LDLRAD3: variants seen among roughly 807,000 people sequenced by gnomAD.
LDLRAD3 encodes low-density lipoprotein receptor class A domain-containing protein 3.
LDLRAD3 carries 20 observed loss-of-function variants against 29.4 expected under a neutral mutation model. That is an observed-to-expected ratio of 0.68 (90% CI 0.48 to 0.99). LDLRAD3 has a LOEUF of 0.99. LDLRAD3 is among the 50% of genes least tolerant of loss of function. The pLI, the probability that LDLRAD3 is intolerant of heterozygous loss-of-function variation, is 0.00. For synonymous variants in LDLRAD3, 157 were observed against 192.7 expected (o/e 0.81, Z 1.53); for missense variants, 420 against 454.3 (o/e 0.92, Z 0.69).
intron 4 of LDLRAD3, among the ~76,000 whole-genome samples, chr11:36,151,513 G>A (rs1434651165): frequency 6.6e-6 from 1 of 152,098 alleles, no homozygotes; most frequent in Non-Finnish European, 1.5e-5. Context: ...GGGCCACATA[G>A]CTAGTAAACA....
At position 35,990,583 on chromosome 11, in the gene LDLRAD3, ATTTT is replaced by A. The variant is rs35610319; in HGVS notation, c.47-45511_47-45508del. 6.7e-5 allele frequency among the ~76,000 whole-genome samples: 10 copies of A among 148,286 alleles called. No individual in the cohort carries two copies. The South Asian group carries it at 2.1e-3, about 32-fold the overall frequency. ...CAGGTGCATGCCAGCTAATTTTTGT[ATTTT>A]TTTTTTTTAGTAGAGATGGGGTTTT... On this transcript the variant is annotated intron_variant, in intron 1 of 5. Transcript: ENST00000315571.
intron 1 of LDLRAD3, among the ~76,000 whole-genome samples, chr11:36,002,109 G>A (rs1851832555): frequency 1.3e-5 from 2 of 152,170 alleles, no homozygotes; most frequent in Non-Finnish European, 2.9e-5. Context: ...TTTAATTGCT[G>A]TATTGAATTG....
rs368932932 is a variant in LDLRAD3 at position 35,981,262 on chromosome 11, A to G, written c.46+37118A>G. On this transcript the variant is annotated intron_variant, in intron 1 of 5. Transcript: ENST00000315571. ...AGGGAGGGAGGGTTTTGTGGTGACAACCAGAACTCTGCAGGCAGAGTAACT... is the reference window on the plus strand; with the variant it reads ...AGGGAGGGAGGGTTTTGTGGTGACAGCCAGAACTCTGCAGGCAGAGTAACT... 3.6e-3 allele frequency among the ~76,000 whole-genome samples: 554 copies of G among 152,108 alleles called. 14 individuals carry two copies. In the South Asian group the frequency reaches 0.06, roughly 17 times the overall value.
At chr11:36,005,874 A>T (rs945136357) in intron 1 of LDLRAD3, among the ~76,000 whole-genome samples, 5 of 152,122 alleles carry the variant, frequency 3.3e-5, no homozygotes, top group African/African-American at 1.2e-4. Context: ...AGAGAGCGCG[A>T]AGGGGGAAGT....
chr11:36,099,832 T>C (rs371272009), intron 4 of LDLRAD3, among the ~76,000 whole-genome samples: 5 of 152,070 alleles, frequency 3.3e-5, no homozygotes, highest in Admixed American at 2.6e-4. Context: ...AAAGACAAAA[T>C]GTGTATTGGC....
At chr11:36,076,330 T>C (rs757805009) in intron 2 of LDLRAD3, among the ~76,000 whole-genome samples, 12 of 152,046 alleles carry the variant, frequency 7.9e-5, no homozygotes, top group Admixed American at 3.3e-4. Flanking sequence ...CAAATTTCCA[T>C]TGGAAATTTT....
At chr11:36,215,760 T>C (rs1488837371) in intron 4 of LDLRAD3, among the ~76,000 whole-genome samples, 1 of 152,192 alleles carries the variant, frequency 6.6e-6, no homozygotes, top group Non-Finnish European at 1.5e-5. Flanking sequence ...CTGCTTACAG[T>C]GATTCTGTAT....
chr11:36,134,970 C>T (rs1853983177), intron 4 of LDLRAD3, among the ~76,000 whole-genome samples: 1 of 152,160 alleles, frequency 6.6e-6, no homozygotes, highest in Non-Finnish European at 1.5e-5. Flanking sequence ...CCTGGTTACT[C>T]TTATGTCCCC....
chr11:36,044,098 C>T (rs934614452), intron 2 of LDLRAD3, among the ~76,000 whole-genome samples: 27 of 152,154 alleles, frequency 1.8e-4, no homozygotes, highest in African/African-American at 5.1e-4. Flanking sequence ...AGAACAGGGG[C>T]TTTGGGCCCA....
chr11:36,100,393 G>A (rs1590267097), intron 4 of LDLRAD3, among the ~76,000 whole-genome samples: 1 of 152,188 alleles, frequency 6.6e-6, no homozygotes, highest in Admixed American at 6.5e-5. Context: ...GTAAGTATTA[G>A]CATAGATAGG....
chr11:36,229,205 G>T lies in LDLRAD3; in HGVS notation c.846G>T (p.Thr282=). 6.2e-7 allele frequency: 1 copy of T among 1,613,838 alleles called. No individual in the cohort carries two copies. Among genetic ancestry groups the T allele is most frequent in the Non-Finnish European group, 8.5e-7 (1 of 1,179,954 alleles). Residue 282 remains threonine, a synonymous_variant, in exon 6 of 6, where the codon ACG becomes ACT. Transcript: ENST00000315571. ...DLPPPPYSSD[T]ESLNQADLPP... is the part of the protein sequence containing the mutation. ...CTCCACCGCCCTACTCTTCTGACAC[G>T]GAATCTCTGAACCAAGCCGACCTGC...
In LDLRAD3 at chr11:36,229,687, A is replaced by G. The variant is rs1855550460; in HGVS notation, c.*290A>G. 1 of 421,726 alleles carries G rather than the reference A, an allele frequency of 2.4e-6. No homozygotes were observed. The highest frequency in any genetic ancestry group is 3.9e-5 in the Admixed American group (1 of 25,962). 26.1% of individuals were successfully genotyped at this position (421,726 alleles called of 1,614,324 possible). A position where few individuals can be genotyped will look rare whatever the true frequency, so the allele number is the denominator to read the frequency against. On this transcript the variant is annotated 3_prime_UTR_variant, in exon 6 of 6. Coordinates refer to ENST00000315571, the MANE Select transcript of LDLRAD3 (RefSeq NM_174902.4). ...ATTCTGTTTCTGTTGGAGAGACAGC[A>G]TATAAAACAGTATTGAAATAGGCTG...
chr11:36,189,554 G>A (rs1448493615), intron 4 of LDLRAD3, among the ~76,000 whole-genome samples: 5 of 151,230 alleles, frequency 3.3e-5, no homozygotes, highest in Non-Finnish European at 7.4e-5. Flanking sequence ...CTACACCCTA[G>A]GCCTACGTAA....
At chr11:36,138,222 G>A (rs1854030430) in intron 4 of LDLRAD3, among the ~76,000 whole-genome samples, 1 of 152,208 alleles carries the variant, frequency 6.6e-6, no homozygotes, top group Admixed American at 6.5e-5. Flanking sequence ...TCTTAACTTT[G>A]TGACCATAAC....
intron 1 of LDLRAD3, among the ~76,000 whole-genome samples, chr11:35,985,967 G>A (rs1239104729): frequency 6.6e-6 from 1 of 150,684 alleles, no homozygotes; most frequent in Non-Finnish European, 1.5e-5. Flanking sequence ...GCTGGGTTGT[G>A]CCCAAGGAGA....
chr11:36,219,619 T>A (rs1189574279), intron 4 of LDLRAD3, among the ~76,000 whole-genome samples: 1 of 152,192 alleles, frequency 6.6e-6, no homozygotes, highest in Non-Finnish European at 1.5e-5. Context: ...GAAAAGAACC[T>A]TGACCTTTAC....
intron 4 of LDLRAD3, among the ~76,000 whole-genome samples, chr11:36,223,466 C>A (rs556670999): frequency 6.6e-6 from 1 of 152,164 alleles, no homozygotes; most frequent in Non-Finnish European, 1.5e-5. Flanking sequence ...TGGTGACTCA[C>A]GCCTGTAATC....
At chr11:36,109,371 G>A (rs1258263554) in intron 4 of LDLRAD3, among the ~76,000 whole-genome samples, 1 of 151,898 alleles carries the variant, frequency 6.6e-6, no homozygotes, top group African/African-American at 2.4e-5. Context: ...GAAGGTGGGG[G>A]CAGTGGGAAC....
intron 4 of LDLRAD3, chr11:36,183,956 A>G: frequency 3.6e-6 from 1 of 280,456 alleles, no homozygotes; most frequent in Non-Finnish European, 6.8e-6. Flanking sequence ...TTCCAAATAT[A>G]TTTCATCTTT....
Sources: allele counts gnomAD v4.1 joint callset (sites outside exome capture counted in the v4.1 genomes callset), GRCh38; gene constraint gnomAD v4.1.1; transcripts MANE v1.5; gene names NCBI Gene and HGNC (gene_info 2026-07-23, HGNC 2026-07-21).